The following CELF2 variants were observed in gnomAD, a reference collection of about 807,000 sequenced individuals.
CELF2 encodes the protein CUGBP Elav-like family member 2.
A neutral mutation model predicts 62.6 loss-of-function variants in CELF2; 8 were observed. The observed-to-expected ratio is 0.13, with a 90% CI of 0.07 to 0.23. CELF2 has a LOEUF of 0.23. Ranked by LOEUF, CELF2 falls within the 10% of genes least tolerant of loss-of-function variation. The pLI is 1.00. For missense variants in CELF2, 333 were observed against 671.0 expected, an observed-to-expected ratio of 0.50 and a Z score of 5.56; for synonymous variants, 258 against 250.0, an observed-to-expected ratio of 1.03 and a Z score of -0.30.
At chr10:11,196,889 G>A (rs370698806) in intron 2 of CELF2, among the ~76,000 whole-genome samples, 2 of 151,200 alleles carry the variant, frequency 1.3e-5, no homozygotes, top group East Asian at 3.9e-4. Context: ...AACCTGGGAG[G>A]CGGAGGTTGC....
intron 1 of CELF2, among the ~76,000 whole-genome samples, chr10:11,114,391 A>G (rs572783160): frequency 6.6e-6 from 1 of 152,240 alleles, no homozygotes; most frequent in African/African-American, 2.4e-5. Context: ...CTGTAGCAGT[A>G]AATACATAAC....
At chr10:10,584,642 C>T in the CELF2 span, among the ~76,000 whole-genome samples, 1 of 152,204 alleles carries the variant, frequency 6.6e-6, no homozygotes, top group Non-Finnish European at 1.5e-5. Context: ...GACACTGTAT[C>T]TGAATCACTT....
chr10:10,862,100 A>C (rs2060074860), intron 1 of CELF2, among the ~76,000 whole-genome samples: 3 of 152,196 alleles, frequency 2.0e-5, no homozygotes, highest in Admixed American at 6.5e-5. Context: ...TATCATTTGC[A>C]AGGCTGTAAG....
rs114522068 is a variant in CELF2, at chr10:10,858,395, T to C, written c.53+59578T>C. 6.7e-3 allele frequency among the ~76,000 whole-genome samples: 1,020 copies of C among 152,248 alleles called. 14 individuals carry two copies. The highest frequency in any genetic ancestry group is 0.023 in the African/African-American group (946 of 41,558). Reference sequence around the variant, plus strand: ...TTGTGTCCTATTTTCTAATTTCTCATTGGCATAGCGCATCACATGACCTAG... The same window carrying C: ...TTGTGTCCTATTTTCTAATTTCTCACTGGCATAGCGCATCACATGACCTAG... On this transcript the variant is annotated intron_variant, in intron 1 of 13. Coordinates refer to the CELF2 transcript ENST00000636488.
At chr10:10,630,855 A>G in the CELF2 span, among the ~76,000 whole-genome samples, 1 of 152,230 alleles carries the variant, frequency 6.6e-6, no homozygotes, top group Admixed American at 6.5e-5. Flanking sequence ...ACAGCTAAGA[A>G]TTCAAAGAGA....
At chr10:11,327,207 G>C (rs575138104) in intron 12 of CELF2, among the ~76,000 whole-genome samples, 2 of 116,330 alleles carry the variant, frequency 1.7e-5, no homozygotes, top group Admixed American at 1.9e-4. Context: ...GGGCGGGGGG[G>C]TGTGTCTGAG....
chr10:10,725,386 T>G, the CELF2 span, among the ~76,000 whole-genome samples: 4 of 152,154 alleles, frequency 2.6e-5, no homozygotes, highest in African/African-American at 9.7e-5. Context: ...TAGTAGCTAT[T>G]AAATAGTCCG....
In CELF2 at chr10:10,993,502, C is replaced by A. The variant is rs947955093; in HGVS notation, c.89+73503C>A. 2.0e-5 allele frequency among the ~76,000 whole-genome samples: 3 copies of A among 152,094 alleles called. No individual in the cohort carries two copies. The highest frequency in any genetic ancestry group is 7.2e-5 in the African/African-American group (3 of 41,420). On this transcript the variant is annotated intron_variant, in intron 2 of 13. Transcript: ENST00000636488. The surrounding 1 kb of genome is among the most constrained non-coding windows in gnomAD (Gnocchi z 5.3). ...GGCAAGCCTCAGGAATATGGAAGAT[C>A]CTGGTATAGAAGTCTAACAGCCTAA... is the stretch of plus-strand genomic sequence containing the variant.
chr10:11,245,504 C>G (rs1365383478), intron 3 of CELF2, among the ~76,000 whole-genome samples: 1 of 152,226 alleles, frequency 6.6e-6, no homozygotes, highest in Non-Finnish European at 1.5e-5. Flanking sequence ...TCACCATGGT[C>G]TGACAATCCA....
Position 10,931,789 on chromosome 10 carries a change from C to A in CELF2, c.89+11790C>A, listed in dbSNP as rs1192233206. On this transcript the variant is annotated intron_variant, in intron 2 of 13. Transcript: ENST00000636488. This position sits in a 1 kb window ranked among gnomAD's most constrained non-coding sequence, Gnocchi z 6.1. ...TTCTCACGCTGCTAATAAAGACATA[C>A]CCACAACTGAGTAATTTATAAAGAC... 6.6e-6 allele frequency among the ~76,000 whole-genome samples: 1 copy of A among 152,034 alleles called. No homozygotes were observed. The highest frequency in any genetic ancestry group is 2.4e-5 in the African/African-American group (1 of 41,374).
In CELF2 at chr10:11,024,503, AG is replaced by A. The variant is rs200732525; in HGVS notation, c.74+6346del. Among the ~76,000 whole-genome samples the A allele has an allele frequency of 8.1e-3, 1,240 of 152,194 alleles. 18 individuals carry two copies. The highest frequency in any genetic ancestry group is 0.028 in the African/African-American group (1,154 of 41,510). Reference sequence around the variant, plus strand: ...CTAGTCCCACTTACTTGGGAGGCTGAGGGGGGAGGATCGCCTGAACCTGGGA... The same window carrying A: ...CTAGTCCCACTTACTTGGGAGGCTGAGGGGGAGGATCGCCTGAACCTGGGA... On this transcript the variant is annotated intron_variant, in intron 1 of 12. Transcript: ENST00000633077.
At chr10:10,643,481 G>A in the CELF2 span, among the ~76,000 whole-genome samples, 3 of 152,168 alleles carry the variant, frequency 2.0e-5, no homozygotes, top group African/African-American at 7.2e-5. Context: ...CCCCAGCCTT[G>A]TGGAACTGTG....
chr10:10,754,882 C>A, the CELF2 span, among the ~76,000 whole-genome samples: 1 of 152,222 alleles, frequency 6.6e-6, no homozygotes, highest in Non-Finnish European at 1.5e-5. Context: ...TCCTCAGCAG[C>A]AAGCCATCGG....
intron 2 of CELF2, among the ~76,000 whole-genome samples, chr10:10,981,908 A>G (rs578047136): frequency 6.6e-6 from 1 of 150,604 alleles, no homozygotes; most frequent in South Asian, 2.1e-4. Flanking sequence ...CCAAGCCTCC[A>G]CTTGTAACTG....
chr10:10,649,335 G>A, the CELF2 span, among the ~76,000 whole-genome samples: 1 of 152,140 alleles, frequency 6.6e-6, no homozygotes, highest in Non-Finnish European at 1.5e-5. Flanking sequence ...TAATTAGATA[G>A]CGGGCTGGGT....
the CELF2 span, among the ~76,000 whole-genome samples, chr10:10,734,015 A>G: frequency 1.3e-5 from 2 of 152,334 alleles, no homozygotes; most frequent in South Asian, 4.1e-4. Context: ...AAACCTCAAT[A>G]ATCCTTAAAA....
chr10:10,715,252 C>T, the CELF2 span, among the ~76,000 whole-genome samples: 103 of 152,226 alleles, frequency 6.8e-4, 1 homozygote, highest in African/African-American at 2.4e-3. Flanking sequence ...AGAGAAAAGG[C>T]ACCTTTTGCT....
Position 11,266,681 on chromosome 10 carries a change from C to G in CELF2, c.618+4C>G. On this transcript the variant is annotated splice_donor_region_variant and intron_variant, in intron 6 of 12. Coordinates refer to ENST00000633077, the MANE Select transcript of CELF2 (RefSeq NM_001326342.2). Reference sequence around the variant, plus strand: ...GCATCAGTCTCAGACCATGGAGGTACTGTATCATCTGCCCTTTCTTTGTTT... The same window carrying G: ...GCATCAGTCTCAGACCATGGAGGTAGTGTATCATCTGCCCTTTCTTTGTTT... The G allele has an allele frequency of 6.2e-7, 1 of 1,610,662 alleles. No individual in the cohort carries two copies. The highest frequency in any genetic ancestry group is 8.5e-7 in the Non-Finnish European group (1 of 1,177,202).
chr10:10,912,873 G>A (rs547142071), intron 1 of CELF2, among the ~76,000 whole-genome samples: 19 of 152,324 alleles, frequency 1.2e-4, no homozygotes, highest in African/African-American at 4.6e-4. Context: ...ATGGCCTTGG[G>A]AAGTAACATA....
Sources: gnomAD v4.1 joint callset for allele counts (sites outside exome capture counted in the v4.1 genomes callset) on GRCh38, gnomAD v4.1.1 for gene constraint, Gnocchi (gnomAD v3.1) non-coding constraint, MANE v1.5 for transcripts, NCBI Gene and HGNC (gene_info 2026-07-23, HGNC 2026-07-21) for gene names.